Variants in GXYLT1 observed in about 807,000 individuals in gnomAD.
The protein encoded by GXYLT1 is glucoside xylosyltransferase 1, also known as glycosyltransferase 8 domain containing 3.
Under a neutral mutation model 54.0 loss-of-function variants are expected in GXYLT1, and 29 were observed. The ratio of observed to expected loss-of-function variants is 0.54; its 90% CI spans 0.40 to 0.73. The LOEUF is 0.73. Among genes scored for constraint, GXYLT1 ranks in the 30% least tolerant of loss-of-function variants. GXYLT1 has a pLI of 0.00. For synonymous variants in GXYLT1, 176 were observed against 204.1 expected, an observed-to-expected ratio of 0.86 and a Z score of 1.17; for missense variants, 490 against 553.4, an observed-to-expected ratio of 0.89 and a Z score of 1.15.
At chr12:42,133,637 C>CGGTT (rs2065604566) in intron 1 of GXYLT1, among the ~76,000 whole-genome samples, 2 of 152,182 alleles carry the variant, frequency 1.3e-5, no homozygotes, top group Non-Finnish European at 2.9e-5. Context: ...AACTAGCATC[C>CGGTT]GGTTCACAGT....
chr12:42,127,647 C>T (rs770205627), intron 2 of GXYLT1, among the ~76,000 whole-genome samples: 22 of 152,146 alleles, frequency 1.4e-4, no homozygotes, highest in East Asian at 1.3e-3. Flanking sequence ...TTATTACTCA[C>T]GCTGTAATTT....
intron 6 of GXYLT1, 23 bp downstream of exon 6, chr12:42,097,879 TAATGCAAA>T: frequency 6.7e-7 from 1 of 1,495,386 alleles, no homozygotes; most frequent in Non-Finnish European, 9.2e-7. Flanking sequence ...GTGATTTTTT[TAATGCAAA>T]TAAAAGGAAT....
Position 42,087,410 on chromosome 12 carries a change from T to C in GXYLT1, c.*376A>G, listed in dbSNP as rs909834874. ...AGTGAGGTTAGTGCTGACATAAAAT[T>C]ATTGCTCTACTCACAGTCTTGAGTG... On this transcript the variant is annotated 3_prime_UTR_variant, in exon 8 of 8. Transcript: ENST00000398675. 1.2e-5 allele frequency: 2 copies of C among 162,800 alleles called. No homozygotes were observed. Among genetic ancestry groups the C allele is most frequent in the African/African-American group, 4.8e-5 (2 of 41,556 alleles). 10.1% of individuals were successfully genotyped at this position (162,800 alleles called of 1,614,324 possible). A position where few individuals can be genotyped will look rare whatever the true frequency, so the allele number is the denominator to read the frequency against.
intron 4 of GXYLT1, among the ~76,000 whole-genome samples, chr12:42,107,300 C>T (rs763369926): frequency 6.6e-6 from 1 of 152,172 alleles, no homozygotes; most frequent in Non-Finnish European, 1.5e-5. Context: ...CCTTATCTCA[C>T]TATCAGCTGA....
chr12:42,107,050 G>T (rs1480643579), intron 4 of GXYLT1, among the ~76,000 whole-genome samples: 1 of 152,004 alleles, frequency 6.6e-6, no homozygotes. Context: ...CCCAATCAAG[G>T]ATAATTTTTC....
In GXYLT1 at chr12:42,083,569, GACT is replaced by G. The variant is rs1347440103; in HGVS notation, c.*4214_*4216del. On this transcript the variant is annotated 3_prime_UTR_variant, in exon 8 of 8. Coordinates refer to ENST00000398675, the MANE Select transcript of GXYLT1 (RefSeq NM_173601.2). The stretch of plus-strand genomic sequence containing the variant: ...TCTAAAAACATCTCAAAGAGGTTCT[GACT>G]ACTACTAAGGTATTTATTAAATACA... The G allele has an allele frequency of 1.3e-5, 2 of 152,224 alleles. No individual in the cohort carries two copies. Among genetic ancestry groups the G allele is most frequent in the African/African-American group, 4.8e-5 (2 of 41,450 alleles). 9.4% of individuals were successfully genotyped at this position (152,224 alleles called of 1,614,324 possible). A position where few individuals can be genotyped will look rare whatever the true frequency, so the allele number is the denominator to read the frequency against.
chr12:42,116,313 C>G (rs2065494491), intron 3 of GXYLT1, among the ~76,000 whole-genome samples: 1 of 152,060 alleles, frequency 6.6e-6, no homozygotes, highest in African/African-American at 2.4e-5. Context: ...TTCTGCACAG[C>G]AAAAGAAACT....
intron 3 of GXYLT1, among the ~76,000 whole-genome samples, chr12:42,115,699 T>C (rs2065489888): frequency 1.3e-5 from 2 of 151,784 alleles, no homozygotes; most frequent in South Asian, 2.1e-4. Flanking sequence ...AAAATGGCCA[T>C]ACTGCCCAAG....
Position 42,087,725 on chromosome 12 carries a change from T to G in GXYLT1, c.*61A>C. 2.5e-6 allele frequency: 3 copies of G among 1,217,782 alleles called. No individual in the cohort carries two copies. The highest frequency in any genetic ancestry group is 3.4e-6 in the Non-Finnish European group (3 of 871,622). 75.4% of individuals were successfully genotyped at this position (1,217,782 alleles called of 1,614,324 possible). ...TCCTGAATACTTCATCCAAGACGAT[T>G]CCTTCACACTTATCTTCTGATTCTT... On this transcript the variant is annotated 3_prime_UTR_variant, in exon 8 of 8. Coordinates refer to ENST00000398675, the MANE Select transcript of GXYLT1 (RefSeq NM_173601.2).
At chr12:42,102,820 A>G (rs1424384521) in intron 5 of GXYLT1, among the ~76,000 whole-genome samples, 3 of 152,132 alleles carry the variant, frequency 2.0e-5, no homozygotes, top group Admixed American at 6.5e-5. Flanking sequence ...CATTTAACCA[A>G]TGTTATTCAT....
chr12:42,130,760 G>C (rs1004511455), intron 1 of GXYLT1, among the ~76,000 whole-genome samples: 1 of 151,986 alleles, frequency 6.6e-6, no homozygotes, highest in African/African-American at 2.4e-5. Context: ...AGATTAGCAT[G>C]GTCAACATAA....
Position 42,109,652 on chromosome 12 carries a change from A to G in GXYLT1, c.526T>C (p.Leu176=). 2 of 1,571,606 alleles carry G rather than the reference A, an allele frequency of 1.3e-6. No homozygotes were observed. Among genetic ancestry groups the G allele is most frequent in the Non-Finnish European group, 1.7e-6 (2 of 1,152,844 alleles). Residue 176 remains leucine, a synonymous_variant, in exon 4 of 8, where the codon TTA becomes CTA. Coordinates refer to ENST00000398675, the MANE Select transcript of GXYLT1 (RefSeq NM_173601.2). ...WSFLQTFNYT[L]YPITFPSENA... ...TCACTTGGAAAGGTTATGGGGTATA[A>G]CGTATAATTAAATGTTTGTAGAAAT...
intron 5 of GXYLT1, 102 bp downstream of exon 5, chr12:42,105,713 AATT>A (rs2065415112): frequency 1.3e-6 from 1 of 743,128 alleles, no homozygotes; most frequent in South Asian, 2.0e-5. Context: ...TAAATAGAAA[AATT>A]ATTTATAGTT....
chr12:42,104,294 T>C (rs1167162602), intron 5 of GXYLT1, among the ~76,000 whole-genome samples: 8 of 151,916 alleles, frequency 5.3e-5, no homozygotes, highest in Non-Finnish European at 1.0e-4. Context: ...CACCATCTTC[T>C]GGTATAAGAT....
chr12:42,115,390 C>A (rs1592115003), intron 3 of GXYLT1, among the ~76,000 whole-genome samples: 1 of 152,302 alleles, frequency 6.6e-6, no homozygotes, highest in East Asian at 1.9e-4. Flanking sequence ...CCCCATCATT[C>A]AGCCCAAAAA....
chr12:42,099,179 C>T (rs1287519909), intron 5 of GXYLT1, among the ~76,000 whole-genome samples: 1 of 152,148 alleles, frequency 6.6e-6, no homozygotes, highest in Admixed American at 6.5e-5. Flanking sequence ...GTAAGCTTTG[C>T]TATCAGAATT....
rs775021759 is a variant in GXYLT1 at position 42,098,041 on chromosome 12, TA to T, written c.865-9del. The T allele has an allele frequency of 6.2e-7, 1 of 1,604,268 alleles. No homozygotes were observed. On this transcript the variant is annotated splice_polypyrimidine_tract_variant and intron_variant, in intron 5 of 7. Coordinates refer to ENST00000398675, the MANE Select transcript of GXYLT1 (RefSeq NM_173601.2). The stretch of plus-strand genomic sequence containing the variant: ...TACAGTTGTCATATCATTCTGTTGA[TA>T]AAAACATTCAAAAGAGCTTCAGACT...
chr12:42,106,986 A>T (rs908396243), intron 4 of GXYLT1, among the ~76,000 whole-genome samples: 9 of 151,870 alleles, frequency 5.9e-5, no homozygotes, highest in Middle Eastern at 3.4e-3. Flanking sequence ...ACCTCAAATG[A>T]TTCACCCATC....
Position 42,097,428 on chromosome 12 carries a change from A to G in GXYLT1, c.1161+14T>C. ...TCAAACAAAAAGTTAAAAAAAAGGA[A>G]AGGCAAATCTTACATTTCTCAGTGC... On this transcript the variant is annotated intron_variant, in intron 7 of 7. Coordinates refer to ENST00000398675, the MANE Select transcript of GXYLT1 (RefSeq NM_173601.2). 3.2e-6 allele frequency: 5 copies of G among 1,538,584 alleles called. No individual in the cohort carries two copies. In the South Asian group the frequency reaches 6.1e-5, roughly 19 times the overall value.
Sources: allele counts gnomAD v4.1 joint callset (sites outside exome capture counted in the v4.1 genomes callset), GRCh38; gene constraint gnomAD v4.1.1; transcripts MANE v1.5; gene names NCBI Gene and HGNC (gene_info 2026-07-23, HGNC 2026-07-21).